DMD: variants seen among roughly 807,000 people sequenced by gnomAD.
The protein encoded by DMD is dystrophin, also known as mutant dystrophin.
Under a neutral mutation model 330.1 loss-of-function variants are expected in DMD, and 63 were observed. The ratio of observed to expected loss-of-function variants is 0.19; its 90% CI spans 0.16 to 0.24. The LOEUF (loss-of-function observed/expected upper bound fraction) is 0.24, where lower values mean the gene tolerates loss of function less well. DMD is among the 10% of genes least tolerant of loss of function. The pLI is 1.00. For missense variants in DMD, 3,344 were observed against 2,684.1 expected (o/e 1.25, Z -5.43); for synonymous variants, 1,223 against 959.8 (o/e 1.27, Z -5.07).
chrX:32,769,909 G>A (rs141199105), intron 7 of DMD, among the ~76,000 whole-genome samples: 4,373 of 110,955 alleles, frequency 0.039, 80 homozygotes, highest in Non-Finnish European at 0.059. Context: ...TTAAGTTCTA[G>A]GACAGTGGCA....
chrX:32,635,706 T>A (rs1474838292), intron 11 of DMD, among the ~76,000 whole-genome samples: 1 of 111,813 alleles, frequency 8.9e-6, no homozygotes, highest in Non-Finnish European at 1.9e-5. Flanking sequence ...CATATTAGTA[T>A]TTTTCAACTC....
chrX:33,303,371 G>A (rs1467828970), intron 1 of DMD, among the ~76,000 whole-genome samples: 10 of 111,805 alleles, frequency 8.9e-5, no homozygotes, highest in African/African-American at 3.3e-4. Flanking sequence ...AGATTAAAAT[G>A]ATAAAATAAA....
At chrX:32,054,675 A>C (rs920817593) in intron 44 of DMD, among the ~76,000 whole-genome samples, 6 of 109,039 alleles carry the variant, frequency 5.5e-5, no homozygotes, top group Non-Finnish European at 5.7e-5. Flanking sequence ...ACCATACAGG[A>C]CATTGCTGAT....
chrX:32,403,577 G>A (rs1320271629), intron 30 of DMD, among the ~76,000 whole-genome samples: 1 of 111,607 alleles, frequency 9.0e-6, no homozygotes, highest in Non-Finnish European at 1.9e-5. Flanking sequence ...CAAGTTTCTA[G>A]TATTTTACAT....
chrX:31,837,873 A>T (rs1427509373), intron 48 of DMD, among the ~76,000 whole-genome samples: 1 of 112,198 alleles, frequency 8.9e-6, no homozygotes, highest in African/African-American at 3.2e-5. Flanking sequence ...GAGATAGACT[A>T]TTTTTTTCCA....
At chrX:32,335,777 T>C (rs1251826297) in intron 41 of DMD, among the ~76,000 whole-genome samples, 1 of 99,855 alleles carries the variant, frequency 1.0e-5, no homozygotes, top group Non-Finnish European at 2.0e-5. Context: ...TAAAACGTTA[T>C]ATATGTATAA....
intron 41 of DMD, among the ~76,000 whole-genome samples, chrX:32,340,127 T>C (rs1356479409): frequency 8.9e-6 from 1 of 111,797 alleles, no homozygotes; most frequent in African/African-American, 3.2e-5. Flanking sequence ...TGTCTATCTA[T>C]CTACCTACCA....
intron 1 of DMD, among the ~76,000 whole-genome samples, chrX:33,071,174 G>A (rs1431900978): frequency 1.8e-4 from 20 of 111,013 alleles, no homozygotes; most frequent in African/African-American, 3.3e-4. Flanking sequence ...CATACAGGCC[G>A]GACTTGGTGG....
chrX:32,857,133 G>A (rs1268313912), intron 2 of DMD, among the ~76,000 whole-genome samples: 2 of 111,416 alleles, frequency 1.8e-5, no homozygotes, highest in Non-Finnish European at 3.8e-5. Flanking sequence ...ATACATTCTT[G>A]AGGTGACAGA....
At chrX:33,216,659 A>T (rs2052063166) in intron 1 of DMD, among the ~76,000 whole-genome samples, 1 of 112,418 alleles carries the variant, frequency 8.9e-6, no homozygotes, top group Non-Finnish European at 1.9e-5. Flanking sequence ...CAGATGAATT[A>T]ATTAGACATA....
chrX:33,242,803 G>A (rs998503076), intron 1 of DMD, among the ~76,000 whole-genome samples: 40 of 111,482 alleles, frequency 3.6e-4, no homozygotes, highest in Non-Finnish European at 7.2e-4. Context: ...CAGGAGTAAG[G>A]TGGTATCACA....
At chrX:31,812,199 A>C (rs2092478700) in intron 50 of DMD, among the ~76,000 whole-genome samples, 1 of 110,243 alleles carries the variant, frequency 9.1e-6, no homozygotes, top group Non-Finnish European at 1.9e-5. Flanking sequence ...TGAAGTTCAA[A>C]TTAAAATGTA....
chrX:32,091,031 T>C (rs1338225058), intron 44 of DMD, among the ~76,000 whole-genome samples: 1 of 112,452 alleles, frequency 8.9e-6, no homozygotes, highest in African/African-American at 3.2e-5. Flanking sequence ...ACTCAGGCCA[T>C]GCCCATTTTT....
At chrX:31,531,301 G>A (rs374095423) in intron 55 of DMD, among the ~76,000 whole-genome samples, 45 of 52,072 alleles carry the variant, frequency 8.6e-4, no homozygotes, top group Admixed American at 2.8e-3. Context: ...AACAGTGTAA[G>A]AGTGTTCCTA....
intron 1 of DMD, among the ~76,000 whole-genome samples, chrX:33,057,043 T>TGTACGTGTAAGTACATTGTAAGTAC: frequency 2.7e-5 from 3 of 111,735 alleles, no homozygotes; most frequent in Middle Eastern, 9.3e-3. Context: ...TGTAAGTACA[T>TGTACGTGTAAGTACATTGTAAGTAC]ATTGATCAAA....
chrX:31,410,154 C>T (rs931776443), intron 60 of DMD, among the ~76,000 whole-genome samples: 1 of 112,325 alleles, frequency 8.9e-6, no homozygotes, highest in Non-Finnish European at 1.9e-5. Flanking sequence ...GCATCTTTAA[C>T]CTTTAATGTA....
intron 1 of DMD, among the ~76,000 whole-genome samples, chrX:33,269,690 G>C (rs919816568): frequency 1.5e-4 from 17 of 111,060 alleles, no homozygotes; most frequent in African/African-American, 5.2e-4. Context: ...ATTTAATTGG[G>C]GTGATATAAT....
chrX:32,096,715 C>A (rs1375031726), intron 44 of DMD, among the ~76,000 whole-genome samples: 2 of 111,325 alleles, frequency 1.8e-5, no homozygotes, highest in African/African-American at 3.3e-5. Flanking sequence ...GTTCTGAGTG[C>A]ATCTAACAGA....
intron 6 of DMD, among the ~76,000 whole-genome samples, chrX:32,812,449 A>G (rs1033734043): frequency 6.3e-5 from 7 of 111,470 alleles, no homozygotes; most frequent in Middle Eastern, 4.7e-3. Flanking sequence ...CCTGGACAAC[A>G]TGGTAAAACC....
Sources: allele counts gnomAD v4.1 joint callset (sites outside exome capture counted in the v4.1 genomes callset), GRCh38; gene constraint gnomAD v4.1.1; transcripts MANE v1.5; gene names NCBI Gene and HGNC (gene_info 2026-07-23, HGNC 2026-07-21).